Variants in CAMK2G observed in about 807,000 individuals in gnomAD.
CAMK2G encodes calcium/calmodulin-dependent protein kinase type II subunit gamma.
CAMK2G carries 23 observed loss-of-function variants against 88.7 expected under a neutral mutation model. The ratio of observed to expected loss-of-function variants is 0.26; its 90% CI spans 0.19 to 0.37. The LOEUF is 0.37. CAMK2G is among the 10% of genes least tolerant of loss of function. CAMK2G has a pLI of 1.00. For missense variants in CAMK2G, 476 were observed against 780.8 expected (o/e 0.61, Z 4.65); for synonymous variants, 263 against 294.8 (o/e 0.89, Z 1.11).
chr10:73,835,585 C>G, intron 14 of CAMK2G, among the ~76,000 whole-genome samples: 1 of 151,812 alleles, frequency 6.6e-6, no homozygotes, highest in Non-Finnish European at 1.5e-5. Flanking sequence ...AGCCACCGCA[C>G]CCGGCTTGCC....
chr10:73,838,016 A>G (rs891517690), intron 13 of CAMK2G, among the ~76,000 whole-genome samples: 1 of 152,206 alleles, frequency 6.6e-6, no homozygotes, highest in African/African-American at 2.4e-5. Flanking sequence ...GACCACCTAC[A>G]GGAGGGTTTT....
chr10:73,864,832 G>C (rs2095526178), intron 2 of CAMK2G, among the ~76,000 whole-genome samples: 1 of 152,110 alleles, frequency 6.6e-6, no homozygotes, highest in African/African-American at 2.4e-5. Context: ...TTTCAGTAGA[G>C]ACGGGGTTTC....
chr10:73,842,306 C>G lies in CAMK2G; in HGVS notation c.904-95G>C. On this transcript the variant is annotated intron_variant, in intron 11 of 22. Transcript: ENST00000423381. The surrounding 1 kb of genome is among the most constrained non-coding windows in gnomAD (Gnocchi z 4.6). ...GCAGGTCCTGGCTAGAGCCTGAAGACATCAGGCCTCTGGGCCCCCTCCCCT... is the reference window on the plus strand; with the variant it reads ...GCAGGTCCTGGCTAGAGCCTGAAGAGATCAGGCCTCTGGGCCCCCTCCCCT... 8.3e-7 allele frequency: 1 copy of G among 1,201,228 alleles called. No individual in the cohort carries two copies. The highest frequency in any genetic ancestry group is 1.2e-5 in the South Asian group (1 of 82,806). The allele number at this position is 1,201,228 out of a possible 1,614,324, so 74.4% of individuals were successfully genotyped here.
rs966708928 is a variant in CAMK2G at position 73,848,935 on chromosome 10, A to G, written c.517+78T>C. ...CAGGACCATTAAGGGTCTGGCTTCT[A>G]GTTCTAATAGAGGAAGGCAGATCAG... On this transcript the variant is annotated intron_variant, in intron 7 of 22. Coordinates refer to ENST00000423381, the MANE Select transcript of CAMK2G (RefSeq NM_001367534.1). The surrounding 1 kb of genome is among the most constrained non-coding windows in gnomAD (Gnocchi z 4.5). The G allele has an allele frequency of 6.4e-6, 6 of 931,338 alleles. No individual in the cohort carries two copies. In the Admixed American group the frequency reaches 8.5e-5, roughly 13 times the overall value. 57.7% of individuals were successfully genotyped at this position (931,338 alleles called of 1,614,324 possible).
At chr10:73,872,800 C>T (rs971402344) in intron 2 of CAMK2G, among the ~76,000 whole-genome samples, 189 bp downstream of exon 2, 34 of 152,204 alleles carry the variant, frequency 2.2e-4, no homozygotes, top group African/African-American at 8.2e-4. Context: ...TTCTTTTGTA[C>T]CTGGGCGCTT....
At chr10:73,870,164 A>T (rs544938107) in intron 2 of CAMK2G, among the ~76,000 whole-genome samples, 69 of 152,328 alleles carry the variant, frequency 4.5e-4, no homozygotes, top group African/African-American at 1.6e-3. Context: ...AAATCTTAAA[A>T]TAACGACTTA....
intron 14 of CAMK2G, among the ~76,000 whole-genome samples, chr10:73,829,811 T>G (rs2092094022): frequency 6.6e-6 from 1 of 151,916 alleles, no homozygotes; most frequent in Non-Finnish European, 1.5e-5. Flanking sequence ...CTTTACAATT[T>G]CCACAGTACC....
Position 73,844,262 on chromosome 10 carries a change from T to G in CAMK2G, c.820-1721A>C, listed in dbSNP as rs542043607. On this transcript the variant is annotated intron_variant, in intron 10 of 22. Transcript: ENST00000423381. ...ACCACAACCAGCTAATTTTTAAAGT[T>G]TTTTTTTTTGTAGAGATGGGGTTTT... 4.2e-3 allele frequency among the ~76,000 whole-genome samples: 629 copies of G among 150,584 alleles called. 1 individual carries two copies. The highest frequency in any genetic ancestry group is 7.5e-3 in the Non-Finnish European group (503 of 67,508).
chr10:73,812,667 A>AT lies in CAMK2G; in HGVS notation c.*1850dup, dbSNP rs2084505207. 1 of 152,648 alleles carries AT rather than the reference A, an allele frequency of 6.6e-6. No homozygotes were observed. The highest frequency in any genetic ancestry group is 1.5e-5 in the Non-Finnish European group (1 of 68,036). 9.5% of individuals were successfully genotyped at this position (152,648 alleles called of 1,614,324 possible). A position where few individuals can be genotyped will look rare whatever the true frequency, so the allele number is the denominator to read the frequency against. On this transcript the variant is annotated 3_prime_UTR_variant, in exon 23 of 23. Transcript: ENST00000423381. The stretch of plus-strand genomic sequence containing the variant: ...CCTTCCGTTTCTTGTTTAAAAGGTG[A>AT]TTTTTTAATAGTCTATTGTCTATAG...
At position 73,829,003 on chromosome 10, in the gene CAMK2G, C is replaced by T. The variant is rs1229163995; in HGVS notation, c.1054-882G>A. Among the ~76,000 whole-genome samples the T allele has an allele frequency of 3.3e-5, 5 of 152,178 alleles. No homozygotes were observed. In the East Asian group the frequency reaches 9.6e-4, roughly 29 times the overall value. ...ATCATTAGCTCACTGGGGGTAAGGT[C>T]CCCCTGTAATATGTCCGTCTGTCGT... On this transcript the variant is annotated intron_variant, in intron 14 of 22. Transcript: ENST00000423381.
chr10:73,859,972 C>A (rs1032976331), intron 3 of CAMK2G, among the ~76,000 whole-genome samples: 1 of 152,204 alleles, frequency 6.6e-6, no homozygotes, highest in Non-Finnish European at 1.5e-5. Flanking sequence ...TTAGGCCATG[C>A]CTGAGGAGCA....
In CAMK2G at chr10:73,843,702, G is replaced by A. The variant is rs368267019; in HGVS notation, c.820-1161C>T. Among the ~76,000 whole-genome samples, 27 of 152,042 alleles carry A rather than the reference G, an allele frequency of 1.8e-4. No individual in the cohort carries two copies. The South Asian group carries it at 3.7e-3, about 21-fold the overall frequency. ...GCAGCCAGGTGCCCACCAACACTAC[G>A]GGGCCTCCTCGCATCCTTTCCCTCA... On this transcript the variant is annotated intron_variant, in intron 10 of 22. Coordinates refer to ENST00000423381, the MANE Select transcript of CAMK2G (RefSeq NM_001367534.1).
At chr10:73,816,574 C>A (rs1296359469) in intron 21 of CAMK2G, 1 of 627,470 alleles carries the variant, frequency 1.6e-6, no homozygotes, top group Admixed American at 3.7e-5. Flanking sequence ...CATTCTCCTG[C>A]CTCAGCCACC....
chr10:73,864,411 T>C (rs1035180102), intron 2 of CAMK2G, among the ~76,000 whole-genome samples: 1 of 152,028 alleles, frequency 6.6e-6, no homozygotes, highest in Non-Finnish European at 1.5e-5. Flanking sequence ...GAGCTGACAC[T>C]CTAGTGGGTT....
At chr10:73,843,001 T>C (rs2093927919) in intron 10 of CAMK2G, among the ~76,000 whole-genome samples, 1 of 152,126 alleles carries the variant, frequency 6.6e-6, no homozygotes, top group African/African-American at 2.4e-5. Flanking sequence ...AGCAAGGTCC[T>C]GAATGAAGCC....
At chr10:73,830,869 G>T (rs2092316842) in intron 14 of CAMK2G, among the ~76,000 whole-genome samples, 1 of 152,234 alleles carries the variant, frequency 6.6e-6, no homozygotes, top group Admixed American at 6.5e-5. Flanking sequence ...GAAAGCTTCT[G>T]AACAGTGAAA....
chr10:73,863,610 C>T (rs1030311331), intron 2 of CAMK2G, among the ~76,000 whole-genome samples: 7 of 152,212 alleles, frequency 4.6e-5, no homozygotes, highest in Non-Finnish European at 8.8e-5. Context: ...TCTTGCAATG[C>T]GGAGGTGGCA....
intron 14 of CAMK2G, among the ~76,000 whole-genome samples, chr10:73,836,406 T>C (rs1013570686): frequency 2.0e-5 from 3 of 152,072 alleles, no homozygotes; most frequent in Admixed American, 1.3e-4. Flanking sequence ...TATTAAACAC[T>C]CTCTCCAACT....
chr10:73,847,188 A>G (rs147751756), intron 10 of CAMK2G, 37 bp downstream of exon 10: 3 of 1,608,308 alleles, frequency 1.9e-6, no homozygotes, highest in Non-Finnish European at 2.6e-6. Context: ...GAAGGCTGAC[A>G]CCCCTGAGCT....
Sources: allele counts gnomAD v4.1 joint callset (sites outside exome capture counted in the v4.1 genomes callset), GRCh38; gene constraint gnomAD v4.1.1; non-coding constraint Gnocchi (gnomAD v3.1); transcripts MANE v1.5; gene names NCBI Gene and HGNC (gene_info 2026-07-23, HGNC 2026-07-21).